Variants in GRAMD1B observed in about 807,000 individuals in gnomAD.
GRAMD1B encodes the protein protein Aster-B.
GRAMD1B carries 37 observed loss-of-function variants against 99.7 expected under a neutral mutation model. The ratio of observed to expected loss-of-function variants is 0.37; its 90% confidence interval spans 0.29 to 0.49. The LOEUF (loss-of-function observed/expected upper bound fraction) is 0.49, where lower values mean the gene tolerates loss of function less well. Among genes scored for constraint, GRAMD1B ranks in the 20% least tolerant of loss-of-function variants. The probability of loss-of-function intolerance (pLI) is 0.98; values close to 1 mark genes in which losing one functional copy is unlikely to be tolerated. For missense variants in GRAMD1B, 888 were observed against 1,009.2 expected, an observed-to-expected ratio of 0.88 and a Z score of 1.63; for synonymous variants, 427 against 387.6, an observed-to-expected ratio of 1.10 and a Z score of -1.19.
At chr11:123,472,042 T>A (rs2714044) in intron 1 of GRAMD1B, among the ~76,000 whole-genome samples, 1 of 151,806 alleles carries the variant, frequency 6.6e-6, no homozygotes, top group African/African-American at 2.4e-5. Context: ...CCAATCCAGG[T>A]GGATCATTTG....
intron 1 of GRAMD1B, among the ~76,000 whole-genome samples, chr11:123,448,033 T>TA (rs112125632): frequency 6.6e-6 from 1 of 151,264 alleles, no homozygotes; most frequent in Non-Finnish European, 1.5e-5. Flanking sequence ...TATATGTATT[T>TA]AAAAAAAAAG....
chr11:123,381,796 C>T (rs560246219), intron 1 of GRAMD1B, among the ~76,000 whole-genome samples: 1 of 152,248 alleles, frequency 6.6e-6, no homozygotes, highest in Non-Finnish European at 1.5e-5. Flanking sequence ...TTGCAAACTA[C>T]TGATTTGTTG....
At chr11:123,414,102 T>C (rs2714058) in intron 1 of GRAMD1B, among the ~76,000 whole-genome samples, 30,441 of 151,338 alleles carry the variant, frequency 0.2, 3,326 homozygotes, top group African/African-American at 0.26. Context: ...TGCAATGAAG[T>C]GGCAGGATCT....
chr11:123,467,833 C>T (rs55716254), intron 1 of GRAMD1B, among the ~76,000 whole-genome samples: 316 of 98,848 alleles, frequency 3.2e-3, no homozygotes, highest in African/African-American at 0.01. Flanking sequence ...CTCCCTCCCT[C>T]CCTCCCTCCC....
In GRAMD1B at chr11:123,510,077, T is replaced by G. The variant is rs1591757776; in HGVS notation, c.452+29184T>G. 1.3e-5 allele frequency: 2 copies of G among 152,488 alleles called. No individual in the cohort carries two copies. The highest frequency in any genetic ancestry group is 2.9e-5 in the Non-Finnish European group (2 of 68,208). 9.4% of individuals were successfully genotyped at this position (152,488 alleles called of 1,614,324 possible). A position where few individuals can be genotyped will look rare whatever the true frequency, so the allele number is the denominator to read the frequency against. The stretch of plus-strand genomic sequence containing the variant: ...CGGGCGAATTTCTCTCCTTTTGCAT[T>G]CTCCACCTTGCCGTGCCAGGCTCCG... On this transcript the variant is annotated intron_variant, in intron 2 of 19. Transcript: ENST00000635736. This position sits in a 1 kb window ranked among gnomAD's most constrained non-coding sequence, Gnocchi z 4.3.
At chr11:123,529,520 A>G (rs963040141) in intron 2 of GRAMD1B, among the ~76,000 whole-genome samples, 2 of 152,250 alleles carry the variant, frequency 1.3e-5, no homozygotes, top group African/African-American at 2.4e-5. Flanking sequence ...AGAGGATTCT[A>G]TGATTTCTTC....
chr11:123,560,730 G>A (rs1946669462), intron 2 of GRAMD1B: 2 of 291,642 alleles, frequency 6.9e-6, no homozygotes, highest in East Asian at 1.1e-4. Context: ...GTGTGTGTGT[G>A]TGTGTATCTT....
intron 4 of GRAMD1B, among the ~76,000 whole-genome samples, chr11:123,592,795 G>A (rs2136520878): frequency 6.6e-6 from 1 of 152,326 alleles, no homozygotes; most frequent in South Asian, 2.1e-4. Context: ...CATCACAGGT[G>A]GAGTGTGGGT....
chr11:123,478,338 C>T (rs1951409470), intron 1 of GRAMD1B, among the ~76,000 whole-genome samples: 1 of 152,220 alleles, frequency 6.6e-6, no homozygotes, highest in African/African-American at 2.4e-5. Flanking sequence ...TAACCATTGT[C>T]TTGATGATGC....
At chr11:123,520,183 C>T (rs929893965) in intron 2 of GRAMD1B, among the ~76,000 whole-genome samples, 2 of 152,200 alleles carry the variant, frequency 1.3e-5, no homozygotes, top group Non-Finnish European at 2.9e-5. Context: ...TGAACTCTTT[C>T]CGGCCTCCAT....
In GRAMD1B at chr11:123,562,646, G is replaced by A. The variant is rs192325235; in HGVS notation, c.453-14721G>A. On this transcript the variant is annotated intron_variant, in intron 2 of 19. Coordinates refer to ENST00000635736, the MANE Select transcript of GRAMD1B (RefSeq NM_001387025.1). ...TTGCGTCCAGATAACAGACTCTTAA[G>A]GTCTGTAGTTTTGCATCTGGCCTAG... Among the ~76,000 whole-genome samples the A allele has an allele frequency of 4.3e-3, 657 of 152,196 alleles. 4 individuals carry two copies. The highest frequency in any genetic ancestry group is 7.0e-3 in the Non-Finnish European group (473 of 68,022).
chr11:123,364,564 A>T (rs1380881310), intron 1 of GRAMD1B, among the ~76,000 whole-genome samples: 1 of 152,254 alleles, frequency 6.6e-6, no homozygotes, highest in Non-Finnish European at 1.5e-5. Flanking sequence ...CATCTGGCAT[A>T]GCTTTGAAGC....
chr11:123,600,602 C>G, intron 8 of GRAMD1B, 54 bp downstream of exon 8: 1 of 1,111,904 alleles, frequency 9.0e-7, no homozygotes, highest in East Asian at 2.4e-5. Flanking sequence ...CTAGAGAAGC[C>G]TTTGTCTCCT....
chr11:123,609,522 G>A (rs750671518), intron 12 of GRAMD1B, among the ~76,000 whole-genome samples: 6 of 152,162 alleles, frequency 3.9e-5, no homozygotes, highest in African/African-American at 1.4e-4. Flanking sequence ...CAGCACCCCC[G>A]TAGGTGGCCC....
At position 123,619,249 on chromosome 11, in the gene GRAMD1B, TG is replaced by T. The variant is rs144668124; in HGVS notation, c.2544+26del. 1,264 of 1,550,884 alleles carry T rather than the reference TG, an allele frequency of 8.2e-4. 7 individuals are homozygous for T. The African/African-American group carries it at 0.015, about 18-fold the overall frequency. ...GGTGAGATGCCCCACCTTCTCTGCT[TG>T]CCCTGGTCTTTGGGAGCGGGGACTC... On this transcript the variant is annotated intron_variant, in intron 19 of 19. Transcript: ENST00000635736.
chr11:123,449,488 T>C (rs1949783237), intron 1 of GRAMD1B, among the ~76,000 whole-genome samples: 10 of 152,202 alleles, frequency 6.6e-5, no homozygotes, highest in Admixed American at 5.2e-4. Flanking sequence ...ATCTGTACTA[T>C]TATGTATTGG....
rs955858973 is a variant in GRAMD1B at position 123,405,834 on chromosome 11, T to C, written c.-176+47035T>C. Among the ~76,000 whole-genome samples the C allele has an allele frequency of 2.6e-5, 4 of 152,186 alleles. No individual in the cohort carries two copies. The South Asian group carries it at 6.2e-4, about 24-fold the overall frequency. On this transcript the variant is annotated intron_variant, in intron 1 of 20. Transcript: ENST00000638157. ...TTAGGGAGTTATGAGCACAATATTA[T>C]GAAAAATTAAATAGAATATACTGTA...
intron 9 of GRAMD1B, among the ~76,000 whole-genome samples, chr11:123,605,116 C>T (rs1328337499): frequency 1.7e-5 from 1 of 58,194 alleles, no homozygotes; most frequent in Admixed American, 2.5e-4. Context: ...ACATGGGGGG[C>T]AGGGAGGGGT....
At chr11:123,413,253 A>G (rs943440570) in intron 1 of GRAMD1B, among the ~76,000 whole-genome samples, 2 of 152,108 alleles carry the variant, frequency 1.3e-5, no homozygotes, top group Non-Finnish European at 2.9e-5. Flanking sequence ...CAAACCAACA[A>G]TGAAATTTCC....
Sources: gnomAD v4.1 joint callset for allele counts (sites outside exome capture counted in the v4.1 genomes callset) on GRCh38, gnomAD v4.1.1 for gene constraint, Gnocchi (gnomAD v3.1) non-coding constraint, MANE v1.5 for transcripts, NCBI Gene and HGNC (gene_info 2026-07-23, HGNC 2026-07-21) for gene names.